Variants in TRIM25 observed in about 807,000 individuals in gnomAD.
The protein encoded by TRIM25 is E3 ubiquitin/ISG15 ligase TRIM25.
A neutral mutation model predicts 65.2 loss-of-function variants in TRIM25; 45 were observed. The ratio of observed to expected loss-of-function variants is 0.69; its 90% confidence interval spans 0.54 to 0.89. TRIM25 has a LOEUF of 0.89. TRIM25 is among the 40% of genes least tolerant of loss of function. TRIM25 has a pLI of 0.00. For missense variants in TRIM25, 714 were observed against 803.7 expected (o/e 0.89, Z 1.35); for synonymous variants, 321 against 340.4 (o/e 0.94, Z 0.63).
At chr17:56,899,293 C>T (rs1316894611) in intron 4 of TRIM25, 113 bp from the exon 5 acceptor site, 2 of 986,992 alleles carry the variant, frequency 2.0e-6, no homozygotes, top group Non-Finnish European at 3.1e-6. Flanking sequence ...GCCATTTCCT[C>T]CGACCTTCCC....
rs759492302 is a variant in TRIM25 at position 56,913,313 on chromosome 17, G to A, written c.597+79C>T. The A allele has an allele frequency of 5.3e-4, 720 of 1,362,176 alleles. 2 individuals carry two copies. The highest frequency in any genetic ancestry group is 1.4e-3 in the Middle Eastern group (6 of 4,210). The allele number at this position is 1,362,176 out of a possible 1,614,324, so 84.4% of individuals were successfully genotyped here. A position where few individuals can be genotyped will look rare whatever the true frequency, so the allele number is the denominator to read the frequency against. ...CATCTCCCCAGGGCGTCCAGAGTGT[G>A]GCAGAGAGGCCCCCGGTGGCCCCTC... On this transcript the variant is annotated intron_variant, in intron 1 of 8. Transcript: ENST00000316881. The surrounding 1 kb of genome is among the most constrained non-coding windows in gnomAD (Gnocchi z 6.1).
intron 1 of TRIM25, among the ~76,000 whole-genome samples, chr17:56,909,470 C>T (rs1227095645): frequency 2.0e-5 from 3 of 151,978 alleles, no homozygotes; most frequent in African/African-American, 4.8e-5. Flanking sequence ...GGATCATTTG[C>T]TCTCAGGAGT....
Position 56,904,501 on chromosome 17 carries a change from A to C in TRIM25, c.694-13T>G, listed in dbSNP as rs917374538. On this transcript the variant is annotated splice_polypyrimidine_tract_variant and intron_variant, in intron 2 of 8. Transcript: ENST00000316881. The stretch of plus-strand genomic sequence containing the variant: ...TGTTTGCAGTCATCTGAGAGGGCCA[A>C]GGTAAGAGGATGCCCGTCAAAGGGG... 6.2e-7 allele frequency: 1 copy of C among 1,612,636 alleles called. No individual in the cohort carries two copies. The highest frequency in any genetic ancestry group is 8.5e-7 in the Non-Finnish European group (1 of 1,179,050).
At chr17:56,903,666 T>C (rs1909458127) in intron 3 of TRIM25, among the ~76,000 whole-genome samples, 1 of 152,186 alleles carries the variant, frequency 6.6e-6, no homozygotes, top group Non-Finnish European at 1.5e-5. Context: ...TTATGTCATG[T>C]GGCAAAGGGG....
intron 8 of TRIM25, among the ~76,000 whole-genome samples, chr17:56,892,861 A>G (rs1366850664): frequency 6.6e-6 from 1 of 152,266 alleles, no homozygotes; most frequent in Non-Finnish European, 1.5e-5. Context: ...AGGCAAGTCC[A>G]TCAGTAACAA....
rs746750029 is a variant in TRIM25 at position 56,891,679 on chromosome 17, G to C, written c.*21C>G. On this transcript the variant is annotated 3_prime_UTR_variant, in exon 9 of 9. Coordinates refer to ENST00000316881, the MANE Select transcript of TRIM25 (RefSeq NM_005082.5). ...GTCTTGGGACTTCTGCAGGCAGTCA[G>C]CCCAAGTGCCTACAGCCTGCCTACT... is the stretch of plus-strand genomic sequence containing the variant. The C allele has an allele frequency of 3.1e-5, 50 of 1,602,520 alleles. No individual in the cohort carries two copies. Among genetic ancestry groups the C allele is most frequent in the Non-Finnish European group, 3.7e-5 (43 of 1,173,418 alleles).
chr17:56,912,738 A>T (rs576998703), intron 1 of TRIM25: 39 of 152,288 alleles, frequency 2.6e-4, no homozygotes, highest in African/African-American at 8.9e-4. Flanking sequence ...CAACAGTAAA[A>T]TGAAACTAAA....
At position 56,901,420 on chromosome 17, in the gene TRIM25, T is replaced by C; in HGVS notation, c.1086A>G (p.Ser362=). 1 of 1,613,750 alleles carries C rather than the reference T, an allele frequency of 6.2e-7. No homozygotes were observed. The highest frequency in any genetic ancestry group is 1.3e-5 in the African/African-American group (1 of 75,030). The change falls in exon 4 of 9, where the codon TCA becomes TCG. Residue 362 remains serine (S), a splice_region_variant and synonymous_variant. Coordinates refer to ENST00000316881, the MANE Select transcript of TRIM25 (RefSeq NM_005082.5). The part of the protein sequence containing the change: ...IGRLQEPTPS[S]GDPGEHDPAS... Reference sequence around the variant, plus strand: ...AGCATAGGGGGCTGCTAAGGTCACCTGAACTGGGGGTGGGCTCCTGGAGCC... The same window carrying C: ...AGCATAGGGGGCTGCTAAGGTCACCCGAACTGGGGGTGGGCTCCTGGAGCC...
intron 5 of TRIM25, chr17:56,898,852 G>A (rs1909351740): frequency 9.2e-6 from 4 of 434,046 alleles, no homozygotes; most frequent in South Asian, 8.4e-5. Context: ...CTCTGCCCAA[G>A]GACTTGGGTA....
chr17:56,903,816 C>T (rs1326606517), intron 3 of TRIM25, among the ~76,000 whole-genome samples: 1 of 152,186 alleles, frequency 6.6e-6, no homozygotes, highest in Non-Finnish European at 1.5e-5. Flanking sequence ...GAGAAATTCT[C>T]ATGCTGGCCT....
At chr17:56,894,477 T>A (rs1362751321) in intron 8 of TRIM25, among the ~76,000 whole-genome samples, 1 of 152,242 alleles carries the variant, frequency 6.6e-6, no homozygotes, top group Non-Finnish European at 1.5e-5. Flanking sequence ...CTTGAACTCC[T>A]GACCTCAGGT....
intron 8 of TRIM25, among the ~76,000 whole-genome samples, chr17:56,893,089 G>A (rs1909215290): frequency 6.6e-6 from 1 of 152,208 alleles, no homozygotes; most frequent in Non-Finnish European, 1.5e-5. Flanking sequence ...AAGGGGATTC[G>A]CATGTGCTGG....
At chr17:56,908,792 A>C (rs559259040) in intron 1 of TRIM25, 15 of 499,208 alleles carry the variant, frequency 3.0e-5, no homozygotes, top group Non-Finnish European at 5.1e-5. Flanking sequence ...CCAGGGTTCC[A>C]GTCCCAACTC....
Position 56,891,627 on chromosome 17 carries a change from A to G in TRIM25, c.*73T>C. ...ACCTCTTGGGGAATTATCCAAGGAG[A>G]GTTCTGCCTGCTGTATTTTCACTAG... On this transcript the variant is annotated 3_prime_UTR_variant, in exon 9 of 9. Transcript: ENST00000316881. 1.5e-6 allele frequency: 2 copies of G among 1,376,336 alleles called. No homozygotes were observed. Among genetic ancestry groups the G allele is most frequent in the Non-Finnish European group, 1.9e-6 (2 of 1,038,678 alleles). The allele number at this position is 1,376,336 out of a possible 1,614,324, so 85.3% of individuals were successfully genotyped here.
At chr17:56,908,761 C>G (rs1909570847) in intron 1 of TRIM25, 198 bp from the exon 2 acceptor site, 3 of 585,794 alleles carry the variant, frequency 5.1e-6, no homozygotes. Context: ...TCCCTTCATC[C>G]TTTTCAGAGG....
rs749005985 is a variant in TRIM25, at chr17:56,913,964, C to T, written c.25G>A (p.Glu9Lys). 5.1e-6 allele frequency: 8 copies of T among 1,578,758 alleles called. No individual in the cohort carries two copies. Among genetic ancestry groups the T allele is most frequent in the Non-Finnish European group, 6.9e-6 (8 of 1,160,560 alleles). Reference sequence around the variant, plus strand: ...AGGCAGATGGAGCACGACAGCTCCTCGGCCAGGGGGCACAGCTCTGCCATG... The same window carrying T: ...AGGCAGATGGAGCACGACAGCTCCTTGGCCAGGGGGCACAGCTCTGCCATG... MAELCPLA[E>K]ELSCSICLEP... The change falls in exon 1 of 9, where the codon GAG (glutamate) becomes AAG (lysine). Residue 9 changes from glutamate (E) to lysine (K), a missense_variant. Around this residue, in one of 3 missense-constraint regions of TRIM25, gnomAD observed 291 missense variants for 281.8 expected, o/e 1.03. Coordinates refer to ENST00000316881, the MANE Select transcript of TRIM25 (RefSeq NM_005082.5). This position sits in a 1 kb window ranked among gnomAD's most constrained non-coding sequence, Gnocchi z 6.1.
chr17:56,900,236 A>G (rs1045597117), intron 4 of TRIM25, among the ~76,000 whole-genome samples: 1 of 151,606 alleles, frequency 6.6e-6, no homozygotes, highest in Non-Finnish European at 1.5e-5. Context: ...ATTTTTTTTT[A>G]ATTAGCCGGG....
At chr17:56,908,638 C>A (rs751154393) in intron 1 of TRIM25, 75 bp from the exon 2 acceptor site, 158 of 1,427,342 alleles carry the variant, frequency 1.1e-4, no homozygotes, top group Non-Finnish European at 1.5e-4. Context: ...CTGGAACTAT[C>A]CCACAGGATA....
chr17:56,899,265 A>G, intron 4 of TRIM25, 85 bp from the exon 5 acceptor site: 1 of 1,427,004 alleles, frequency 7.0e-7, no homozygotes, highest in Non-Finnish European at 9.9e-7. Context: ...GTGGGCAGGC[A>G]GAGGGTTTAC....
Sources: gnomAD v4.1 joint callset for allele counts (sites outside exome capture counted in the v4.1 genomes callset) on GRCh38, gnomAD v4.1.1 for gene constraint, gnomAD v4.1.1 regional missense constraint, Gnocchi (gnomAD v3.1) non-coding constraint, MANE v1.5 for transcripts, NCBI Gene and HGNC (gene_info 2026-07-23, HGNC 2026-07-21) for gene names.